FXN: variants seen among roughly 807,000 people sequenced by gnomAD.
The protein encoded by FXN is frataxin, also known as frataxin, mitochondrial.
In FXN, 14 loss-of-function variants were observed where a neutral mutation model predicts 22.4. The observed-to-expected ratio is 0.62, with a 90% CI of 0.41 to 0.98. The LOEUF is 0.98. Ranked by LOEUF, FXN falls within the 50% of genes least tolerant of loss-of-function variation. The pLI is 0.00. For synonymous variants in FXN, 120 were observed against 114.1 expected (o/e 1.05, Z -0.33); for missense variants, 267 against 268.4 (o/e 0.99, Z 0.04).
intron 4 of FXN, among the ~76,000 whole-genome samples, chr9:69,066,523 T>C (rs1832167979): frequency 6.6e-6 from 1 of 152,156 alleles, no homozygotes; most frequent in African/African-American, 2.4e-5. Context: ...TGCTGGAGGT[T>C]GGAGGATTTT....
chr9:69,042,862 C>T (rs1050682890), intron 1 of FXN, among the ~76,000 whole-genome samples: 2 of 152,192 alleles, frequency 1.3e-5, no homozygotes, highest in African/African-American at 2.4e-5. Flanking sequence ...CCTGGGAAAA[C>T]AATTCCTTCC....
In FXN at chr9:69,075,083, G is replaced by C; in HGVS notation, c.*2321G>C. On this transcript the variant is annotated 3_prime_UTR_variant, in exon 5 of 5. Coordinates refer to ENST00000484259, the MANE Select transcript of FXN (RefSeq NM_000144.5). ...GGGTCCTTGTGGGCCAGCCCTTCAG[G>C]CCTATTTTACTTTCATTTTACATAT... 1 of 985,316 alleles carries C rather than the reference G, an allele frequency of 1.0e-6. No individual in the cohort carries two copies. The highest frequency in any genetic ancestry group is 1.2e-6 in the Non-Finnish European group (1 of 829,936). 61.0% of individuals were successfully genotyped at this position (985,316 alleles called of 1,614,324 possible).
In FXN at chr9:69,073,525, C is replaced by T. The variant is rs558406909; in HGVS notation, c.*763C>T. On this transcript the variant is annotated 3_prime_UTR_variant, in exon 5 of 5. Transcript: ENST00000484259. ...CGTTTTCATGAGCTGAGTGATGTAG[C>T]GTAACAAACAAAATCATGGAGCTGA... is the stretch of plus-strand genomic sequence containing the variant. The T allele has an allele frequency of 5.1e-5, 50 of 985,376 alleles. No homozygotes were observed. In the African/African-American group the frequency reaches 6.6e-4, roughly 13 times the overall value. The allele number at this position is 985,376 out of a possible 1,614,324, so 61.0% of individuals were successfully genotyped here.
chr9:69,051,979 C>G (rs1831858174), intron 2 of FXN, among the ~76,000 whole-genome samples: 1 of 152,090 alleles, frequency 6.6e-6, no homozygotes, highest in African/African-American at 2.4e-5. Context: ...TCCCGAGTAG[C>G]TGGGATTACA....
chr9:69,056,748 T>C lies in FXN; in HGVS notation c.384+3488T>C, dbSNP rs550238385. Among the ~76,000 whole-genome samples, 4 of 151,992 alleles carry C rather than the reference T, an allele frequency of 2.6e-5. No homozygotes were observed. The East Asian group carries it at 5.8e-4, about 22-fold the overall frequency. The stretch of plus-strand genomic sequence containing the variant: ...CCAGTGGTGAAGTGAGTCTTTTTTT[T>C]TTTTTTCTTTTTGAGATGGAGTCTT... On this transcript the variant is annotated intron_variant, in intron 3 of 4. Transcript: ENST00000484259.
rs1832369897 is a variant in FXN at position 69,076,352 on chromosome 9, T to C, written c.*3590T>C. ...TTCTCACATGCATAGCATAATTTCATATTCACATTGGAGGACTTCTCCCAA... is the reference window on the plus strand; with the variant it reads ...TTCTCACATGCATAGCATAATTTCACATTCACATTGGAGGACTTCTCCCAA... On this transcript the variant is annotated 3_prime_UTR_variant, in exon 5 of 5. Transcript: ENST00000484259. 2.5e-5 allele frequency: 25 copies of C among 985,416 alleles called. No homozygotes were observed. The highest frequency in any genetic ancestry group is 2.9e-5 in the Non-Finnish European group (24 of 829,910). 61.0% of individuals were successfully genotyped at this position (985,416 alleles called of 1,614,324 possible). A position where few individuals can be genotyped will look rare whatever the true frequency, so the allele number is the denominator to read the frequency against.
intron 1 of FXN, among the ~76,000 whole-genome samples, chr9:69,038,994 T>C (rs1332737381): frequency 6.6e-6 from 1 of 152,136 alleles, no homozygotes; most frequent in Non-Finnish European, 1.5e-5. Flanking sequence ...TGCTCACACC[T>C]GTAATCCCAG....
chr9:69,065,540 C>CAG (rs1554761961), intron 4 of FXN, among the ~76,000 whole-genome samples: 2 of 140,752 alleles, frequency 1.4e-5, no homozygotes, highest in African/African-American at 2.7e-5. Flanking sequence ...GACCCTGTCC[C>CAG]AAAAAAAAAA....
intron 4 of FXN, among the ~76,000 whole-genome samples, chr9:69,071,632 A>G (rs545544876): frequency 2.6e-5 from 4 of 152,362 alleles, no homozygotes; most frequent in South Asian, 2.1e-4. Context: ...TGCATGTGCC[A>G]TTATTCACTG....
rs78931991 is a variant in FXN at position 69,064,100 on chromosome 9, A to G, written c.385-838A>G. Among the ~76,000 whole-genome samples, 378 of 152,336 alleles carry G rather than the reference A, an allele frequency of 2.5e-3. 3 individuals are homozygous for G. Among genetic ancestry groups the G allele is most frequent in the African/African-American group, 8.9e-3 (372 of 41,574 alleles). ...CACCGTGTATCTCTGCAAGTCATGC[A>G]CAAGATGGGGAACAGCAGGCTTCCC... On this transcript the variant is annotated intron_variant, in intron 3 of 4. Coordinates refer to ENST00000484259, the MANE Select transcript of FXN (RefSeq NM_000144.5).
rs556755578 is a variant in FXN at position 69,045,485 on chromosome 9, C to T, written c.166-900C>T. Among the ~76,000 whole-genome samples, 10 of 152,104 alleles carry T rather than the reference C, an allele frequency of 6.6e-5. No homozygotes were observed. The South Asian group carries it at 1.7e-3, about 25-fold the overall frequency. Reference sequence around the variant, plus strand: ...GCGGGTGCCTGTAATCCCAGCTACGCGGGAGGCTGAGGCACGAGAATCACT... The same window carrying T: ...GCGGGTGCCTGTAATCCCAGCTACGTGGGAGGCTGAGGCACGAGAATCACT... On this transcript the variant is annotated intron_variant, in intron 1 of 4. Transcript: ENST00000484259.
intron 4 of FXN, among the ~76,000 whole-genome samples, chr9:69,066,519 A>C (rs1300146604): frequency 1.3e-5 from 2 of 152,064 alleles, no homozygotes; most frequent in Non-Finnish European, 1.5e-5. Flanking sequence ...AGTGTGCTGG[A>C]GGTTGGAGGA....
chr9:69,055,360 T>C (rs774965614), intron 3 of FXN, among the ~76,000 whole-genome samples: 3 of 152,304 alleles, frequency 2.0e-5, no homozygotes, highest in Middle Eastern at 3.4e-3. Flanking sequence ...ATTAGCAAGC[T>C]ACAAAAACAG....
chr9:69,064,710 G>A (rs568402981), intron 3 of FXN, among the ~76,000 whole-genome samples: 1 of 152,290 alleles, frequency 6.6e-6, no homozygotes, highest in African/African-American at 2.4e-5. Flanking sequence ...AACAGGGAAA[G>A]CTCTATGAGA....
intron 2 of FXN, among the ~76,000 whole-genome samples, chr9:69,052,537 A>ATT (rs56938732): frequency 3.5e-4 from 22 of 63,238 alleles, no homozygotes; most frequent in African/African-American, 5.0e-4. Context: ...TGCTGTTTAA[A>ATT]TTTTTTTTTT....
chr9:69,056,309 A>G (rs962197680), intron 3 of FXN, among the ~76,000 whole-genome samples: 16 of 152,214 alleles, frequency 1.1e-4, no homozygotes, highest in Non-Finnish European at 4.4e-5. Flanking sequence ...ACATGAATTT[A>G]TGCTGAGAGG....
chr9:69,043,887 T>C (rs1222718840), intron 1 of FXN, among the ~76,000 whole-genome samples: 1 of 151,960 alleles, frequency 6.6e-6, no homozygotes, highest in African/African-American at 2.4e-5. Context: ...CCCGGCCTCA[T>C]GTTTTTTATT....
Position 69,064,933 on chromosome 9 carries a change from C to T in FXN, c.385-5C>T. 6.3e-7 allele frequency: 1 copy of T among 1,585,742 alleles called. No homozygotes were observed. Among genetic ancestry groups the T allele is most frequent in the Non-Finnish European group, 8.7e-7 (1 of 1,154,068 alleles). ...TTTATGCTTTTTTTCCACCTAATCC[C>T]CTAGAGTGGTGTCTTAACTGTCAAA... On this transcript the variant is annotated splice_region_variant and splice_polypyrimidine_tract_variant and intron_variant, in intron 3 of 4. Coordinates refer to ENST00000484259, the MANE Select transcript of FXN (RefSeq NM_000144.5).
chr9:69,045,331 C>T (rs1038602362), intron 1 of FXN, among the ~76,000 whole-genome samples: 2 of 151,918 alleles, frequency 1.3e-5, no homozygotes, highest in African/African-American at 4.8e-5. Flanking sequence ...GGGCTGGGTG[C>T]GGTGGCTCAC....
Sources: gnomAD v4.1 joint callset for allele counts (sites outside exome capture counted in the v4.1 genomes callset) on GRCh38, gnomAD v4.1.1 for gene constraint, MANE v1.5 for transcripts, NCBI Gene and HGNC (gene_info 2026-07-23, HGNC 2026-07-21) for gene names.